The following ASAP2 variants were observed in gnomAD, a reference collection of about 807,000 sequenced individuals.
ASAP2 encodes the protein ArfGAP with SH3 domain, ankyrin repeat and PH domain 2.
A neutral mutation model predicts 131.4 loss-of-function variants in ASAP2; 45 were observed. That is an observed-to-expected ratio of 0.34 (90% CI 0.27 to 0.44). The LOEUF (loss-of-function observed/expected upper bound fraction) is 0.44, where lower values mean the gene tolerates loss of function less well. Ranked by LOEUF, ASAP2 falls within the 20% of genes least tolerant of loss-of-function variation. The pLI is 1.00. For synonymous variants in ASAP2, 510 were observed against 503.0 expected, an observed-to-expected ratio of 1.01 and a Z score of -0.19; for missense variants, 1,011 against 1,297.0, an observed-to-expected ratio of 0.78 and a Z score of 3.39.
At chr2:9,272,420 A>G (rs988628477) in intron 1 of ASAP2, among the ~76,000 whole-genome samples, 5 of 152,092 alleles carry the variant, frequency 3.3e-5, no homozygotes, top group African/African-American at 9.7e-5. Flanking sequence ...ATTTTTTCCT[A>G]TAGAGTTGTT....
At chr2:9,241,735 C>A (rs963371430) in intron 1 of ASAP2, among the ~76,000 whole-genome samples, 1 of 152,192 alleles carries the variant, frequency 6.6e-6, no homozygotes, top group African/African-American at 2.4e-5. Context: ...TGTATATTTT[C>A]AACTCCTCCA....
chr2:9,272,410 A>AT (rs1485946595), intron 1 of ASAP2, among the ~76,000 whole-genome samples: 2 of 151,194 alleles, frequency 1.3e-5, no homozygotes, highest in East Asian at 1.9e-4. Flanking sequence ...GGATCATTAG[A>AT]TTTTTTCCTA....
chr2:9,360,221 T>C (rs1672992642), intron 15 of ASAP2, among the ~76,000 whole-genome samples: 1 of 152,236 alleles, frequency 6.6e-6, no homozygotes, highest in Non-Finnish European at 1.5e-5. Flanking sequence ...TAATTGTTTA[T>C]TTTGTACTAT....
chr2:9,295,182 T>C (rs529945048), intron 2 of ASAP2, among the ~76,000 whole-genome samples: 17 of 152,336 alleles, frequency 1.1e-4, no homozygotes, highest in African/African-American at 3.6e-4. Context: ...AGGTAAACTT[T>C]TTAACGATGA....
chr2:9,322,194 C>T (rs1670190398), intron 5 of ASAP2, among the ~76,000 whole-genome samples: 1 of 152,194 alleles, frequency 6.6e-6, no homozygotes, highest in Non-Finnish European at 1.5e-5. Context: ...TCATTCACTC[C>T]TTCAAATTAT....
chr2:9,369,795 AG>A (rs1468070784), intron 16 of ASAP2, among the ~76,000 whole-genome samples: 2 of 152,238 alleles, frequency 1.3e-5, no homozygotes, highest in Admixed American at 1.3e-4. Context: ...AATGTCTTTA[AG>A]GGTGGTTTCA....
At chr2:9,271,291 C>T (rs1261084795) in intron 1 of ASAP2, 6 of 802,918 alleles carry the variant, frequency 7.5e-6, no homozygotes, top group Non-Finnish European at 1.1e-5. Context: ...GCATTTAAAC[C>T]CCATGAATCT....
At chr2:9,303,786 G>A (rs1668647862) in intron 3 of ASAP2, among the ~76,000 whole-genome samples, 2 of 152,202 alleles carry the variant, frequency 1.3e-5, no homozygotes, top group African/African-American at 4.8e-5. Context: ...ATTTCCATTG[G>A]ACTTGGATAC....
intron 9 of ASAP2, among the ~76,000 whole-genome samples, chr2:9,342,198 A>G (rs1233441313): frequency 6.6e-6 from 1 of 152,244 alleles, no homozygotes; most frequent in South Asian, 2.1e-4. Context: ...AGGACCCAGA[A>G]TCGTCAAAAC....
At chr2:9,346,101 C>T (rs1424419043) in intron 11 of ASAP2, among the ~76,000 whole-genome samples, 6 of 152,080 alleles carry the variant, frequency 3.9e-5, no homozygotes, top group African/African-American at 1.4e-4. Flanking sequence ...CCCCCTGCCC[C>T]CGCGACCCCA....
At chr2:9,308,231 C>T (rs918267245) in intron 3 of ASAP2, among the ~76,000 whole-genome samples, 7 of 152,172 alleles carry the variant, frequency 4.6e-5, no homozygotes, top group African/African-American at 1.7e-4. Context: ...TCTGGGGAGG[C>T]CTCAGGAAAC....
chr2:9,383,322 G>A (rs919094401), intron 20 of ASAP2, among the ~76,000 whole-genome samples: 15 of 152,080 alleles, frequency 9.9e-5, no homozygotes, highest in East Asian at 1.9e-4. Flanking sequence ...GTGCAATGGC[G>A]TGCTTGTGGA....
chr2:9,388,328 G>C lies in ASAP2; in HGVS notation c.2165G>C (p.Ser722Thr), dbSNP rs141714475. 2 of 1,614,022 alleles carry C rather than the reference G, an allele frequency of 1.2e-6. No individual in the cohort carries two copies. Among genetic ancestry groups the C allele is most frequent in the African/African-American group, 2.7e-5 (2 of 74,918 alleles). The change falls in exon 22 of 28, where the codon AGC becomes ACC. Residue 722 changes from serine (S) to threonine (T), a missense_variant. Transcript: ENST00000281419. ...SPNRREDRPISFYQLGSNQLQ... is the reference protein window; with the variant it reads ...SPNRREDRPITFYQLGSNQLQ... Reference sequence around the variant, plus strand: ...AACCGGCGGGAAGACCGGCCCATCAGCTTCTACCAGCTGGGCTCCAACCAG... The same window carrying C: ...AACCGGCGGGAAGACCGGCCCATCACCTTCTACCAGCTGGGCTCCAACCAG...
At chr2:9,279,419 T>C in intron 2 of ASAP2, 30 bp downstream of exon 2, 4 of 1,603,512 alleles carry the variant, frequency 2.5e-6, no homozygotes, top group Non-Finnish European at 1.7e-6. Context: ...TAGAGGTTTC[T>C]GTGTGGAAAA....
chr2:9,347,074 C>T (rs1558352860), intron 11 of ASAP2, among the ~76,000 whole-genome samples: 1 of 39,582 alleles, frequency 2.5e-5, no homozygotes. Flanking sequence ...CCAGAGGTCT[C>T]CTCCTGCCTT....
intron 2 of ASAP2, among the ~76,000 whole-genome samples, chr2:9,292,001 A>T (rs1303214449): frequency 1.3e-5 from 2 of 151,998 alleles, no homozygotes; most frequent in Non-Finnish European, 2.9e-5. Flanking sequence ...AGAGCACTGG[A>T]CTCAGAGTCA....
At chr2:9,344,419 T>C (rs1671810628) in intron 9 of ASAP2, 113 bp from the exon 10 acceptor site, 1 of 791,492 alleles carries the variant, frequency 1.3e-6, no homozygotes, top group Admixed American at 4.1e-5. Context: ...ATTTCTCCAA[T>C]TTTTGTTGTT....
intron 1 of ASAP2, among the ~76,000 whole-genome samples, chr2:9,214,843 A>G (rs1661893794): frequency 6.6e-6 from 1 of 151,242 alleles, no homozygotes; most frequent in Non-Finnish European, 1.5e-5. Context: ...TAATAGTCTC[A>G]TGTTTTATGT....
Position 9,346,584 on chromosome 2 carries a change from C to A in ASAP2, c.1023+1784C>A, listed in dbSNP as rs182483334. 1.0e-3 allele frequency among the ~76,000 whole-genome samples: 159 copies of A among 152,296 alleles called. 1 individual carries two copies. Among genetic ancestry groups the A allele is most frequent in the Non-Finnish European group, 7.9e-4 (54 of 68,022 alleles). ...GACTAGGCACCCTTCTAAATACCTT[C>A]CAGATCTCAACACCTGTGGTTCTGT... On this transcript the variant is annotated intron_variant, in intron 11 of 27. Transcript: ENST00000281419.
Sources: allele counts gnomAD v4.1 joint callset (sites outside exome capture counted in the v4.1 genomes callset), GRCh38; gene constraint gnomAD v4.1.1; transcripts MANE v1.5; gene names NCBI Gene and HGNC (gene_info 2026-07-23, HGNC 2026-07-21).